HTR1F: variants seen among roughly 807,000 people sequenced by gnomAD.
The protein encoded by HTR1F is 5-hydroxytryptamine (serotonin) receptor 1F, G protein-coupled.
A neutral mutation model predicts 24.0 loss-of-function variants in HTR1F; 17 were observed. The ratio of observed to expected loss-of-function variants is 0.71; its 90% CI spans 0.48 to 1.06. The LOEUF (loss-of-function observed/expected upper bound fraction) is 1.06. HTR1F is among the 50% of genes least tolerant of loss of function. The probability of loss-of-function intolerance (pLI) is 0.00; values close to 1 mark genes in which losing one functional copy is unlikely to be tolerated. For missense variants in HTR1F, 391 were observed against 427.8 expected (o/e 0.91, Z 0.76); for synonymous variants, 186 against 156.8 (o/e 1.19, Z -1.39).
intron 2 of HTR1F, among the ~76,000 whole-genome samples, chr3:87,870,582 G>T (rs1415032164): frequency 6.6e-6 from 1 of 152,058 alleles, no homozygotes; most frequent in Non-Finnish European, 1.5e-5. Flanking sequence ...GAGAGAGAAA[G>T]AAAGGGGAAC....
intron 2 of HTR1F, among the ~76,000 whole-genome samples, chr3:87,870,111 G>A (rs1417260030): frequency 2.0e-5 from 3 of 152,030 alleles, no homozygotes; most frequent in Non-Finnish European, 4.4e-5. Context: ...TATTTACTGA[G>A]CACCATCTAT....
chr3:87,962,754 T>C (rs1230416173), intron 2 of HTR1F, among the ~76,000 whole-genome samples: 4 of 152,022 alleles, frequency 2.6e-5, no homozygotes, highest in Non-Finnish European at 4.4e-5. Flanking sequence ...ATGGGAAAAA[T>C]GTAAACACAG....
Position 87,991,148 on chromosome 3 carries a change from G to A in HTR1F, c.399G>A (p.Arg133=), listed in dbSNP as rs141186951. 12 of 1,613,942 alleles carry A rather than the reference G, an allele frequency of 7.4e-6. No individual in the cohort carries two copies. The highest frequency in any genetic ancestry group is 2.2e-5 in the East Asian group (1 of 44,886). Residue 133 remains arginine (R), a synonymous_variant, in exon 3 of 3, where the codon AGG becomes AGA. Coordinates refer to ENST00000319595, the MANE Select transcript of HTR1F (RefSeq NM_001322209.2). ...TCACAGATGCTGTTGAGTATGCCAG[G>A]AAAAGGACTCCAAAGCATGCTGGCA... ...RAITDAVEYA[R]KRTPKHAGIM... is the part of the protein sequence containing the mutation.
chr3:87,908,275 G>T (rs1703707333), intron 2 of HTR1F, among the ~76,000 whole-genome samples: 1 of 151,934 alleles, frequency 6.6e-6, no homozygotes, highest in Admixed American at 6.6e-5. Flanking sequence ...ACAAAAAGAA[G>T]TAGATTGATA....
chr3:87,979,329 A>G (rs747633668), intron 2 of HTR1F, among the ~76,000 whole-genome samples: 18 of 152,054 alleles, frequency 1.2e-4, no homozygotes, highest in Non-Finnish European at 2.5e-4. Flanking sequence ...ATTGGAACAA[A>G]GCCCACATTC....
At chr3:87,963,262 A>G (rs2107482519) in intron 2 of HTR1F, among the ~76,000 whole-genome samples, 1 of 152,190 alleles carries the variant, frequency 6.6e-6, no homozygotes, top group South Asian at 2.1e-4. Flanking sequence ...CTATCCTAAG[A>G]ATATTTTCCT....
chr3:87,824,781 A>G (rs984001673), intron 2 of HTR1F, among the ~76,000 whole-genome samples: 42 of 152,346 alleles, frequency 2.8e-4, no homozygotes, highest in African/African-American at 8.7e-4. Flanking sequence ...TTGACTTCAA[A>G]GAGTCAAAAA....
intron 2 of HTR1F, among the ~76,000 whole-genome samples, chr3:87,961,694 C>T (rs574664611): frequency 6.6e-6 from 1 of 151,502 alleles, no homozygotes; most frequent in Non-Finnish European, 1.5e-5. Flanking sequence ...CCCAGCGAGA[C>T]AACTTCACTG....
intron 2 of HTR1F, among the ~76,000 whole-genome samples, chr3:87,858,392 T>C (rs140721695): frequency 6.6e-6 from 1 of 152,314 alleles, no homozygotes; most frequent in African/African-American, 2.4e-5. Flanking sequence ...TCGTGTTACA[T>C]TGTTTTGCCC....
chr3:87,847,876 C>T lies in HTR1F; in HGVS notation c.-43+25752C>T, dbSNP rs958143692. 4.5e-4 allele frequency among the ~76,000 whole-genome samples: 69 copies of T among 151,934 alleles called. 2 individuals carry two copies. Among genetic ancestry groups the T allele is most frequent in the African/African-American group, 1.5e-3 (61 of 41,292 alleles). On this transcript the variant is annotated intron_variant, in intron 2 of 2. Transcript: ENST00000319595. The stretch of plus-strand genomic sequence containing the variant: ...CATATTGCTGCACATGACATGACTG[C>T]GCTCTTTATGGCTGAATATTTCATT...
rs145347404 is a variant in HTR1F, at chr3:87,849,946, A to T, written c.-43+27822A>T. On this transcript the variant is annotated intron_variant, in intron 2 of 2. Transcript: ENST00000319595. The stretch of plus-strand genomic sequence containing the variant: ...CCAGTTAGAATGATGATCATTAAAA[A>T]GTCAGGAAACAACAGGTGCTGGAGA... Among the ~76,000 whole-genome samples the T allele has an allele frequency of 6.5e-4, 99 of 152,100 alleles. 1 individual carries two copies. The highest frequency in any genetic ancestry group is 3.4e-3 in the Middle Eastern group (1 of 294).
intron 2 of HTR1F, among the ~76,000 whole-genome samples, chr3:87,901,338 C>G (rs1376575133): frequency 6.6e-6 from 1 of 151,932 alleles, no homozygotes; most frequent in African/African-American, 2.4e-5. Context: ...GCACCCTTAT[C>G]AGAAGAGATT....
chr3:87,950,583 A>G (rs1443241388), intron 2 of HTR1F, among the ~76,000 whole-genome samples: 1 of 152,054 alleles, frequency 6.6e-6, no homozygotes, highest in Non-Finnish European at 1.5e-5. Flanking sequence ...GGAGGAGTAA[A>G]GAGAATTATT....
rs571876834 is a variant in HTR1F, at chr3:87,912,659, A to T, written c.-42-78049A>T. Among the ~76,000 whole-genome samples, 79 of 148,490 alleles carry T rather than the reference A, an allele frequency of 5.3e-4. 1 individual carries two copies. Among genetic ancestry groups the T allele is most frequent in the South Asian group, 2.6e-3 (12 of 4,628 alleles). On this transcript the variant is annotated intron_variant, in intron 2 of 2. Coordinates refer to ENST00000319595, the MANE Select transcript of HTR1F (RefSeq NM_001322209.2). Reference sequence around the variant, plus strand: ...AAAAAAAAAAAAAAAAAAACAAAGCAGGAAGCATCATGCCACTAAACTTCA... The same window carrying T: ...AAAAAAAAAAAAAAAAAAACAAAGCTGGAAGCATCATGCCACTAAACTTCA...
Position 87,833,903 on chromosome 3 carries a change from C to T in HTR1F, c.-43+11779C>T, listed in dbSNP as rs1032222482. Among the ~76,000 whole-genome samples the T allele has an allele frequency of 2.0e-5, 3 of 152,284 alleles. 1 individual carries two copies. ...TTTTACTCTGAAAAAGTATTGACTT[C>T]CATTTTTAATAACTTTGTAATCAGA... On this transcript the variant is annotated intron_variant, in intron 2 of 2. Coordinates refer to ENST00000319595, the MANE Select transcript of HTR1F (RefSeq NM_001322209.2).
intron 2 of HTR1F, among the ~76,000 whole-genome samples, chr3:87,857,392 T>C (rs905295232): frequency 2.0e-5 from 3 of 152,090 alleles, no homozygotes; most frequent in Admixed American, 2.0e-4. Flanking sequence ...TTAAAATTAA[T>C]ATTTCCATCT....
intron 2 of HTR1F, among the ~76,000 whole-genome samples, chr3:87,985,437 A>G (rs1226297660): frequency 1.3e-5 from 2 of 152,206 alleles, no homozygotes; most frequent in Non-Finnish European, 2.9e-5. Context: ...AATGGTGGTT[A>G]AAAGAATAGA....
chr3:87,804,640 G>T (rs1350698974), intron 1 of HTR1F, among the ~76,000 whole-genome samples: 1 of 151,974 alleles, frequency 6.6e-6, no homozygotes, highest in African/African-American at 2.4e-5. Flanking sequence ...TTGTCTGGCA[G>T]TTCTTTGTGC....
chr3:87,832,619 C>T (rs767840685), intron 2 of HTR1F, among the ~76,000 whole-genome samples: 4 of 152,132 alleles, frequency 2.6e-5, no homozygotes, highest in Admixed American at 2.0e-4. Flanking sequence ...TGAGCCACCG[C>T]GCCCAGCCAG....
Sources: allele counts gnomAD v4.1 joint callset (sites outside exome capture counted in the v4.1 genomes callset), GRCh38; gene constraint gnomAD v4.1.1; transcripts MANE v1.5; gene names NCBI Gene and HGNC (gene_info 2026-07-23, HGNC 2026-07-21).